Variants in ANK2 observed in about 807,000 individuals in gnomAD.
ANK2 encodes the protein ankyrin 2, also known as ankyrin-2.
In ANK2, 83 loss-of-function variants were observed where a neutral mutation model predicts 360.5. The ratio of observed to expected loss-of-function variants is 0.23; its 90% CI spans 0.19 to 0.28. The LOEUF (loss-of-function observed/expected upper bound fraction) is 0.28. Ranked by LOEUF, ANK2 falls within the 10% of genes least tolerant of loss-of-function variation. The pLI, the probability that ANK2 is intolerant of heterozygous loss-of-function variation, is 1.00. For synonymous variants in ANK2, 1,740 were observed against 1,759.5 expected (o/e 0.99, Z 0.28); for missense variants, 4,201 against 4,795.7 (o/e 0.88, Z 3.66).
chr4:112,721,570 G>C, the ANK2 span, among the ~76,000 whole-genome samples: 1 of 134,212 alleles, frequency 7.5e-6, no homozygotes, highest in Non-Finnish European at 1.6e-5. Context: ...AAAAAAAAAA[G>C]GTTGGCTACC....
chr4:112,878,124 C>G (rs2075649914), intron 1 of ANK2, among the ~76,000 whole-genome samples: 2 of 137,178 alleles, frequency 1.5e-5, no homozygotes, highest in Non-Finnish European at 3.1e-5. Context: ...TTCAAACTCT[C>G]TATCTCTAGC....
chr4:113,186,249 C>T, intron 2 of ANK2, among the ~76,000 whole-genome samples: 1 of 152,174 alleles, frequency 6.6e-6, no homozygotes, highest in Admixed American at 6.5e-5. Context: ...GCTGGTGATA[C>T]CCAGGCAAAC....
intron 2 of ANK2, among the ~76,000 whole-genome samples, chr4:112,959,143 C>T (rs992418835): frequency 6.6e-6 from 1 of 152,098 alleles, no homozygotes; most frequent in African/African-American, 2.4e-5. Flanking sequence ...AGCCACCGCG[C>T]CTGGCCAACA....
intron 2 of ANK2, among the ~76,000 whole-genome samples, chr4:113,003,250 G>A (rs1160379940): frequency 1.3e-5 from 2 of 152,084 alleles, no homozygotes; most frequent in Non-Finnish European, 2.9e-5. Context: ...ATAATTGCAA[G>A]GTCTCAAAAG....
intron 1 of ANK2, among the ~76,000 whole-genome samples, chr4:113,087,112 A>G (rs1359586800): frequency 1.3e-5 from 2 of 152,244 alleles, no homozygotes; most frequent in African/African-American, 4.8e-5. Flanking sequence ...TTATAAAGAA[A>G]GGAGTATAGT....
At chr4:112,836,576 T>C (rs996051197) in intron 1 of ANK2, among the ~76,000 whole-genome samples, 1 of 152,194 alleles carries the variant, frequency 6.6e-6, no homozygotes, top group Non-Finnish European at 1.5e-5. Flanking sequence ...ACCAAAATGC[T>C]GATAGTGATA....
At position 113,369,706 on chromosome 4, in the gene ANK2, G is replaced by A. The variant is rs1305596790; in HGVS notation, c.11511G>A (p.Glu3837=). The A allele has an allele frequency of 1.2e-6, 2 of 1,614,120 alleles. No individual in the cohort carries two copies. Among genetic ancestry groups the A allele is most frequent in the Non-Finnish European group, 1.7e-6 (2 of 1,180,004 alleles). The stretch of plus-strand genomic sequence containing the variant: ...CCGAAGAGCCCTCAGAGCACAGAGA[G>A]GAGAGCTCTCCGCGGAAAACCAGCC... ...QEPEEPSEHR[E]ESSPRKTSLV... is the part of the protein sequence containing the mutation. Residue 3837 remains glutamate (E), a synonymous_variant, in exon 43 of 46, where the codon GAG becomes GAA. Coordinates refer to ENST00000357077, the MANE Select transcript of ANK2 (RefSeq NM_001148.6).
chr4:113,023,931 T>C (rs545498348), intron 2 of ANK2, among the ~76,000 whole-genome samples: 3 of 152,292 alleles, frequency 2.0e-5, no homozygotes, highest in South Asian at 2.1e-4. Context: ...CACATTCTTA[T>C]TGGGGACCCC....
intron 2 of ANK2, among the ~76,000 whole-genome samples, chr4:113,190,083 A>G (rs1216639331): frequency 3.3e-5 from 5 of 151,726 alleles, no homozygotes; most frequent in Non-Finnish European, 7.4e-5. Context: ...TACTGTAAAA[A>G]AAAACTTAAG....
chr4:113,049,486 G>C (rs2065945881), upstream of ANK2: 1 of 382,138 alleles, frequency 2.6e-6, no homozygotes, highest in African/African-American at 2.2e-5. Flanking sequence ...CTTTTTTCAA[G>C]GCTTTCTTCA....
At chr4:113,313,169 T>C (rs187618635) in intron 24 of ANK2, among the ~76,000 whole-genome samples, 4 of 152,290 alleles carry the variant, frequency 2.6e-5, no homozygotes, top group African/African-American at 7.2e-5. Flanking sequence ...ATTGGTAGAT[T>C]TGGACCTTAT....
rs2153534635 is a variant in ANK2 at position 113,232,178 on chromosome 4, A to G, written c.402A>G (p.Leu134=). 6.2e-7 allele frequency: 1 copy of G among 1,600,346 alleles called. No homozygotes were observed. Among genetic ancestry groups the G allele is most frequent in the Non-Finnish European group, 8.6e-7 (1 of 1,167,586 alleles). Residue 134 remains leucine (L), a synonymous_variant, in exon 5 of 46, where the codon TTA becomes TTG. Coordinates refer to ENST00000357077, the MANE Select transcript of ANK2 (RefSeq NM_001148.6). Reference sequence around the variant, plus strand: ...GTCCTCAGAATGGCTTTACTCCTTTATACATGGCTGCCCAAGAGAATCACA... The same window carrying G: ...GTCCTCAGAATGGCTTTACTCCTTTGTACATGGCTGCCCAAGAGAATCACA... The part of the protein sequence containing the change: ...NAQSQNGFTP[L]YMAAQENHID...
chr4:112,812,875 C>G, the ANK2 span, among the ~76,000 whole-genome samples: 2 of 152,108 alleles, frequency 1.3e-5, no homozygotes, highest in East Asian at 1.9e-4. Context: ...TTCTCTGCCT[C>G]AGATTTAAAA....
At chr4:113,089,045 G>C (rs146446703) in intron 1 of ANK2, among the ~76,000 whole-genome samples, 1 of 152,078 alleles carries the variant, frequency 6.6e-6, no homozygotes, top group Non-Finnish European at 1.5e-5. Flanking sequence ...TTTCTTACCT[G>C]GTGGTCTCAG....
intron 1 of ANK2, among the ~76,000 whole-genome samples, chr4:113,107,854 C>A (rs1211088613): frequency 1.3e-5 from 2 of 151,994 alleles, no homozygotes; most frequent in African/African-American, 4.8e-5. Context: ...AAGTAATGCA[C>A]CCAACATAGA....
rs1563165601 is a variant in ANK2, at chr4:113,249,754, C to CT, written c.892-6dup. 6.2e-7 allele frequency: 1 copy of CT among 1,613,608 alleles called. No homozygotes were observed. The highest frequency in any genetic ancestry group is 1.7e-4 in the Middle Eastern group (1 of 6,060). ...TGAACTTGGGCCTAATTCTTTAATT[C>CT]TTTTGGCAGGATGGGTTGACACCAC... is the stretch of plus-strand genomic sequence containing the variant. On this transcript the variant is annotated splice_polypyrimidine_tract_variant and intron_variant, in intron 9 of 45. Coordinates refer to ENST00000357077, the MANE Select transcript of ANK2 (RefSeq NM_001148.6).
At chr4:112,868,141 C>A (rs1705298428) in intron 1 of ANK2, among the ~76,000 whole-genome samples, 1 of 152,166 alleles carries the variant, frequency 6.6e-6, no homozygotes, top group Non-Finnish European at 1.5e-5. Flanking sequence ...ATTTGCATTT[C>A]TTTAATGACA....
chr4:113,251,229 G>A lies in ANK2; in HGVS notation c.990+1367G>A, dbSNP rs570859677. Among the ~76,000 whole-genome samples the A allele has an allele frequency of 3.7e-4, 57 of 152,248 alleles. 1 individual carries two copies. The South Asian group carries it at 0.012, about 31-fold the overall frequency. On this transcript the variant is annotated intron_variant, in intron 10 of 45. Coordinates refer to ENST00000357077, the MANE Select transcript of ANK2 (RefSeq NM_001148.6). ...TACAAACCGTAAAATAATCTTATCT[G>A]CAGAGTTTGCTTGTAATTGTCATGT...
chr4:113,332,847 T>C (rs999123386), intron 28 of ANK2: 5 of 629,908 alleles, frequency 7.9e-6, no homozygotes, highest in South Asian at 5.7e-5. Context: ...TGGCTTAAGG[T>C]AGCAGCATGT....
Sources: allele counts gnomAD v4.1 joint callset (sites outside exome capture counted in the v4.1 genomes callset), GRCh38; gene constraint gnomAD v4.1.1; transcripts MANE v1.5; gene names NCBI Gene and HGNC (gene_info 2026-07-23, HGNC 2026-07-21).